The following EGFL6 variants were observed in gnomAD, a reference collection of about 807,000 sequenced individuals.
The protein encoded by EGFL6 is epidermal growth factor-like protein 6.
A neutral mutation model predicts 43.1 loss-of-function variants in EGFL6; 42 were observed. The observed-to-expected ratio is 0.98, with a 90% confidence interval of 0.76 to 1.26. EGFL6 has a LOEUF of 1.26. Ranked by LOEUF, EGFL6 falls within the 50% of genes most tolerant of loss-of-function variation. The probability of loss-of-function intolerance (pLI) is 0.00; values close to 1 mark genes in which losing one functional copy is unlikely to be tolerated. For missense variants in EGFL6, 429 were observed against 427.8 expected, an observed-to-expected ratio of 1.00 and a Z score of -0.02; for synonymous variants, 164 against 163.2, an observed-to-expected ratio of 1.01 and a Z score of -0.04.
rs758969588 is a variant in EGFL6 at position 13,621,731 on chromosome X, C to G, written c.1184-2093C>G. 1.2e-4 allele frequency among the ~76,000 whole-genome samples: 13 copies of G among 112,403 alleles called. No homozygotes were observed. In the South Asian group the frequency reaches 4.5e-3, roughly 38 times the overall value. On this transcript the variant is annotated intron_variant, in intron 9 of 11. Coordinates refer to ENST00000361306, the MANE Select transcript of EGFL6 (RefSeq NM_015507.4). ...TCACACAGAGAGCTGTGAGTGTTTC[C>G]AGTAGAAAGCCAAATGCCTGCAAGA...
At chrX:13,601,684 A>G (rs983609569) in intron 4 of EGFL6, among the ~76,000 whole-genome samples, 2 of 112,178 alleles carry the variant, frequency 1.8e-5, no homozygotes, top group Admixed American at 9.4e-5. Context: ...GAAAATGGGC[A>G]TTGGAAGGGC....
At chrX:13,614,994 C>T (rs761500147) in intron 7 of EGFL6, among the ~76,000 whole-genome samples, 4 of 112,170 alleles carry the variant, frequency 3.6e-5, no homozygotes, top group Non-Finnish European at 5.6e-5. Context: ...TCAAGTGATC[C>T]GCCTGCCTTG....
intron 7 of EGFL6, among the ~76,000 whole-genome samples, chrX:13,612,540 C>T (rs780446923): frequency 9.0e-6 from 1 of 111,215 alleles, no homozygotes; most frequent in South Asian, 3.9e-4. Flanking sequence ...CATCATGGCC[C>T]GTTCTCAATG....
chrX:13,595,320 C>T (rs942692373), intron 3 of EGFL6, among the ~76,000 whole-genome samples: 24 of 111,226 alleles, frequency 2.2e-4, no homozygotes, highest in Admixed American at 5.7e-4. Context: ...TCCAGCAGTG[C>T]AAAAAAATAT....
chrX:13,618,113 A>C, intron 8 of EGFL6, 60 bp downstream of exon 8: 1 of 1,096,173 alleles, frequency 9.1e-7, no homozygotes, highest in Non-Finnish European at 1.2e-6. Flanking sequence ...TCTCCTGGCA[A>C]ATGAAAGAAG....
At chrX:13,628,629 C>T (rs1018927477) in intron 11 of EGFL6, among the ~76,000 whole-genome samples, 2 of 111,273 alleles carry the variant, frequency 1.8e-5, no homozygotes, top group African/African-American at 6.5e-5. Flanking sequence ...GCCTGACCAA[C>T]ATGGAGAAAC....
chrX:13,619,114 A>C, intron 8 of EGFL6, 49 bp from the exon 9 acceptor site: 1 of 998,725 alleles, frequency 1.0e-6, no homozygotes, highest in Non-Finnish European at 1.4e-6. Context: ...CCTTCTGAGC[A>C]TGTGGGCTTT....
chrX:13,571,228 A>G (rs1053540199), intron 1 of EGFL6, among the ~76,000 whole-genome samples: 1 of 109,435 alleles, frequency 9.1e-6, no homozygotes, highest in African/African-American at 3.3e-5. Flanking sequence ...GAAATTTTTC[A>G]GTGATGATTC....
chrX:13,586,287 C>T (rs953289730), intron 1 of EGFL6, among the ~76,000 whole-genome samples: 6 of 111,875 alleles, frequency 5.4e-5, no homozygotes, highest in Non-Finnish European at 7.5e-5. Context: ...TCATATATTG[C>T]TGATGGGAAA....
chrX:13,602,641 C>T (rs1341569420), intron 4 of EGFL6, among the ~76,000 whole-genome samples: 1 of 111,734 alleles, frequency 8.9e-6, no homozygotes, highest in Non-Finnish European at 1.9e-5. Context: ...ATGCCTGTCT[C>T]TTTTTATCAT....
chrX:13,589,557 G>C lies in EGFL6; in HGVS notation c.76G>C (p.Ala26Pro), dbSNP rs200337400. Residue 26 changes from alanine (A) to proline (P), a missense_variant and splice_region_variant, in exon 2 of 12, where the codon GCA becomes CCA. Coordinates refer to ENST00000361306, the MANE Select transcript of EGFL6 (RefSeq NM_015507.4). ...TAACATGTAGTTCTTTATCTGCAGTGCAAGGCATCACGGGTTGTTAGCATC... is the reference window on the plus strand; with the variant it reads ...TAACATGTAGTTCTTTATCTGCAGTCCAAGGCATCACGGGTTGTTAGCATC... ...VAGGFGNAAS[A>P]RHHGLLASAR... 274 of 1,205,761 alleles carry C rather than the reference G, an allele frequency of 2.3e-4. No homozygotes were observed. The highest frequency in any genetic ancestry group is 2.9e-4 in the Non-Finnish European group (263 of 892,503).
chrX:13,599,866 T>C lies in EGFL6; in HGVS notation c.281-109T>C, dbSNP rs149062384. The C allele has an allele frequency of 5.2e-4, 439 of 837,762 alleles. 3 individuals carry two copies. The East Asian group carries it at 0.014, about 26-fold the overall frequency. 69.0% of individuals were successfully genotyped at this position (837,762 alleles called of 1,213,427 possible). ...GAGAGAAGGTGGGTAAGTGGTGGTG[T>C]TCAGGGAAGCTAACCCAGTTGTCCT... is the stretch of plus-strand genomic sequence containing the variant. On this transcript the variant is annotated intron_variant, in intron 3 of 11. Coordinates refer to ENST00000361306, the MANE Select transcript of EGFL6 (RefSeq NM_015507.4).
Position 13,572,063 on chromosome X carries a change from T to A in EGFL6, c.74+2128T>A, listed in dbSNP as rs370529328. 5.8e-4 allele frequency among the ~76,000 whole-genome samples: 65 copies of A among 112,570 alleles called. No individual in the cohort carries two copies. The East Asian group carries it at 0.017, about 29-fold the overall frequency. On this transcript the variant is annotated intron_variant, in intron 1 of 11. Coordinates refer to ENST00000361306, the MANE Select transcript of EGFL6 (RefSeq NM_015507.4). The stretch of plus-strand genomic sequence containing the variant: ...ATGGTATTTAGTGCATAGTACACAA[T>A]TAACGCTCATCAAATGAATAAATCA...
At chrX:13,632,387 C>T (rs1478151353) in intron 11 of EGFL6, among the ~76,000 whole-genome samples, 4 of 104,058 alleles carry the variant, frequency 3.8e-5, no homozygotes, top group African/African-American at 1.1e-4. Flanking sequence ...CTGCAAGCTC[C>T]GCCTCCCGGG....
chrX:13,572,984 A>G (rs980299312), intron 1 of EGFL6, among the ~76,000 whole-genome samples: 2 of 112,063 alleles, frequency 1.8e-5, no homozygotes, highest in African/African-American at 6.5e-5. Context: ...GAGGCTGCCA[A>G]CAGTCCTTAG....
intron 2 of EGFL6, among the ~76,000 whole-genome samples, chrX:13,592,520 C>G (rs2045570016): frequency 8.9e-6 from 1 of 111,954 alleles, no homozygotes; most frequent in East Asian, 2.8e-4. Flanking sequence ...AGTCCCTGTC[C>G]TGAAGGCACT....
Position 13,626,334 on chromosome X carries a change from C to T in EGFL6, c.1286-677C>T, listed in dbSNP as rs747108422. The stretch of plus-strand genomic sequence containing the variant: ...TTCTATAGAAATTTTTCCTTCTTAT[C>T]AACTTCTTCAGACCCTACTCTTTGA... On this transcript the variant is annotated intron_variant, in intron 10 of 11. Coordinates refer to ENST00000361306, the MANE Select transcript of EGFL6 (RefSeq NM_015507.4). Among the ~76,000 whole-genome samples the T allele has an allele frequency of 2.7e-5, 3 of 111,702 alleles. No homozygotes were observed. In the South Asian group the frequency reaches 1.1e-3, roughly 42 times the overall value.
chrX:13,601,817 ACCT>A (rs1189729805), intron 4 of EGFL6, among the ~76,000 whole-genome samples: 4 of 110,870 alleles, frequency 3.6e-5, no homozygotes, highest in Non-Finnish European at 7.6e-5. Flanking sequence ...CTCTGCCAGA[ACCT>A]CCTCCTCCCA....
intron 2 of EGFL6, among the ~76,000 whole-genome samples, chrX:13,593,801 G>C (rs1311636445): frequency 8.9e-6 from 1 of 111,827 alleles, no homozygotes; most frequent in Non-Finnish European, 1.9e-5. Context: ...CCAGGTAACT[G>C]GTAGAGGAAT....
Sources: allele counts gnomAD v4.1 joint callset (sites outside exome capture counted in the v4.1 genomes callset), GRCh38; gene constraint gnomAD v4.1.1; transcripts MANE v1.5; gene names NCBI Gene and HGNC (gene_info 2026-07-23, HGNC 2026-07-21).